Variants in PRR11 observed in about 807,000 individuals in gnomAD.
PRR11 encodes proline-rich protein 11.
Under a neutral mutation model 45.6 loss-of-function variants are expected in PRR11, and 30 were observed. The ratio of observed to expected loss-of-function variants is 0.66; its 90% confidence interval spans 0.49 to 0.89. The LOEUF is 0.89. Ranked by LOEUF, PRR11 falls within the 40% of genes least tolerant of loss-of-function variation. PRR11 has a pLI of 0.00. For synonymous variants in PRR11, 128 were observed against 153.5 expected (o/e 0.83, Z 1.23); for missense variants, 373 against 424.8 (o/e 0.88, Z 1.07).
chr17:59,180,240 C>T (rs2046774532), intron 2 of PRR11, among the ~76,000 whole-genome samples: 1 of 150,416 alleles, frequency 6.6e-6, no homozygotes, highest in South Asian at 2.1e-4. Flanking sequence ...CAGTGATTCT[C>T]CTGCCTCAGC....
intron 2 of PRR11, among the ~76,000 whole-genome samples, chr17:59,183,331 A>C (rs2046798257): frequency 6.6e-6 from 1 of 152,078 alleles, no homozygotes; most frequent in African/African-American, 2.4e-5. Context: ...TTCAGAGTCC[A>C]GTCTGGTGGG....
At chr17:59,180,085 TTCC>T (rs1009206654) in intron 2 of PRR11, among the ~76,000 whole-genome samples, 1 of 151,228 alleles carries the variant, frequency 6.6e-6, no homozygotes, top group African/African-American at 2.4e-5. Context: ...CTCAGAACAC[TTCC>T]TCATTTCCTT....
intron 4 of PRR11, among the ~76,000 whole-genome samples, chr17:59,190,332 C>T (rs1292814047): frequency 2.6e-5 from 4 of 152,016 alleles, no homozygotes; most frequent in East Asian, 1.9e-4. Context: ...ATTAGCTGGG[C>T]GTGTTGTCAC....
At chr17:59,173,967 A>G (rs1399547447) in intron 2 of PRR11, among the ~76,000 whole-genome samples, 1 of 152,212 alleles carries the variant, frequency 6.6e-6, no homozygotes, top group Admixed American at 6.5e-5. Flanking sequence ...CTCTCTAGAC[A>G]GGAAGGTTAT....
intron 2 of PRR11, among the ~76,000 whole-genome samples, chr17:59,182,385 C>A (rs2046792498): frequency 7.3e-6 from 1 of 136,140 alleles, no homozygotes; most frequent in Admixed American, 7.5e-5. Flanking sequence ...GACCTCTGAC[C>A]CTTCTTTTTT....
rs1449401549 is a variant in PRR11, at chr17:59,197,595, T to C, written c.909T>C (p.Asp303=). The change falls in exon 8 of 10, where the codon GAT becomes GAC. Residue 303 remains aspartate, a synonymous_variant. Coordinates refer to ENST00000262293, the MANE Select transcript of PRR11 (RefSeq NM_018304.4). ...TGCGGAAACTGCTTAGAAAAGTCGA[T>C]GTAGAGAGGTAATACACTCTCATAT... ...MDLRKLLRKV[D]VERSPGGTPL... The C allele has an allele frequency of 8.7e-6, 14 of 1,613,548 alleles. No homozygotes were observed. The highest frequency in any genetic ancestry group is 1.3e-5 in the African/African-American group (1 of 74,906).
chr17:59,160,064 ATATAG>A (rs970656812), intron 1 of PRR11, among the ~76,000 whole-genome samples: 5 of 152,086 alleles, frequency 3.3e-5, no homozygotes, highest in African/African-American at 1.2e-4. Context: ...AAAAAATCTG[ATATAG>A]TAATCTCAAG....
At chr17:59,176,431 C>G (rs2046745991) in intron 2 of PRR11, among the ~76,000 whole-genome samples, 1 of 152,100 alleles carries the variant, frequency 6.6e-6, no homozygotes, top group Non-Finnish European at 1.5e-5. Flanking sequence ...CAGCAGGGAG[C>G]ATTTGACAGT....
chr17:59,159,955 C>T (rs1424337896), intron 1 of PRR11, among the ~76,000 whole-genome samples: 2 of 152,044 alleles, frequency 1.3e-5, no homozygotes, highest in African/African-American at 4.8e-5. Context: ...TTCTGCTTAC[C>T]CATCTCTCCC....
chr17:59,187,201 T>C (rs1228044309), intron 4 of PRR11, among the ~76,000 whole-genome samples: 1 of 151,906 alleles, frequency 6.6e-6, no homozygotes, highest in Non-Finnish European at 1.5e-5. Flanking sequence ...AGAGCTAGAC[T>C]GTCTCAAAAA....
At chr17:59,185,282 C>A in intron 3 of PRR11, 78 bp downstream of exon 3, 1 of 1,543,130 alleles carries the variant, frequency 6.5e-7, no homozygotes, top group Non-Finnish European at 8.8e-7. Flanking sequence ...GTGCTCAAGT[C>A]AGTCCAACCC....
At chr17:59,179,755 C>T in intron 2 of PRR11, 5 of 1,393,416 alleles carry the variant, frequency 3.6e-6, no homozygotes, top group Non-Finnish European at 4.0e-6. Context: ...CCCAGGTCTC[C>T]TCAGGCTCAG....
chr17:59,175,954 C>G (rs1281589881), intron 2 of PRR11, among the ~76,000 whole-genome samples: 6 of 152,150 alleles, frequency 3.9e-5, no homozygotes, highest in Non-Finnish European at 8.8e-5. Flanking sequence ...AAGACCCTGC[C>G]TTCTACAGGC....
At chr17:59,161,263 T>C (rs1349803457) in intron 1 of PRR11, among the ~76,000 whole-genome samples, 1 of 151,620 alleles carries the variant, frequency 6.6e-6, no homozygotes, top group Non-Finnish European at 1.5e-5. Context: ...AAAAATTAGC[T>C]GGGCGTGGTA....
chr17:59,159,422 G>A (rs955083848), intron 1 of PRR11, among the ~76,000 whole-genome samples: 16 of 152,130 alleles, frequency 1.1e-4, no homozygotes, highest in African/African-American at 3.9e-4. Flanking sequence ...GCAGTTAGAT[G>A]TATTTAGATA....
At chr17:59,196,837 G>C (rs192472794) in intron 7 of PRR11, among the ~76,000 whole-genome samples, 2 of 151,774 alleles carry the variant, frequency 1.3e-5, no homozygotes, top group South Asian at 2.1e-4. Flanking sequence ...TGTTCCCATC[G>C]GCATCTACTG....
rs1171390840 is a variant in PRR11, at chr17:59,205,929, T to C, written c.*4298T>C. Among the ~76,000 whole-genome samples, 5 of 151,876 alleles carry C rather than the reference T, an allele frequency of 3.3e-5. No homozygotes were observed. Among genetic ancestry groups the C allele is most frequent in the Admixed American group, 6.6e-5 (1 of 15,220 alleles). On this transcript the variant is annotated 3_prime_UTR_variant, in exon 10 of 10. Transcript: ENST00000262293. ...ATCTGGGTGTGGTGGCATGTGCCTA[T>C]AGTCTCAGCTTCTCAGAAGACTGAG...
rs62081938 is a variant in PRR11 at position 59,175,632 on chromosome 17, C to T, written c.128+5752C>T. Among the ~76,000 whole-genome samples, 972 of 152,186 alleles carry T rather than the reference C, an allele frequency of 6.4e-3. 3 individuals carry two copies. The highest frequency in any genetic ancestry group is 0.027 in the Middle Eastern group (8 of 294). ...GTGGCACACCTCTTAGTCCTAGCTA[C>T]GCAAGAGGCTGAGGCACAAGAATTA... On this transcript the variant is annotated intron_variant, in intron 2 of 9. Transcript: ENST00000262293.
intron 9 of PRR11, among the ~76,000 whole-genome samples, chr17:59,198,828 C>T (rs368836344): frequency 6.6e-6 from 1 of 151,908 alleles, no homozygotes; most frequent in Non-Finnish European, 1.5e-5. Flanking sequence ...CGGAGTGAGA[C>T]CCTGTCTCAA....
Sources: allele counts gnomAD v4.1 joint callset (sites outside exome capture counted in the v4.1 genomes callset), GRCh38; gene constraint gnomAD v4.1.1; transcripts MANE v1.5; gene names NCBI Gene and HGNC (gene_info 2026-07-23, HGNC 2026-07-21).